The following TOP3A variants were observed in gnomAD, a reference collection of about 807,000 sequenced individuals.
The protein encoded by TOP3A is DNA topoisomerase 3-alpha.
In TOP3A, 64 loss-of-function variants were observed where a neutral mutation model predicts 111.3. The ratio of observed to expected loss-of-function variants is 0.57; its 90% CI spans 0.47 to 0.71. The LOEUF (loss-of-function observed/expected upper bound fraction) is 0.71. Ranked by LOEUF, TOP3A falls within the 30% of genes least tolerant of loss-of-function variation. The pLI is 0.00. For missense variants in TOP3A, 1,104 were observed against 1,285.0 expected (o/e 0.86, Z 2.15); for synonymous variants, 484 against 485.1 (o/e 1.00, Z 0.03).
At chr17:18,304,896 A>G (rs1445448937) in intron 5 of TOP3A, among the ~76,000 whole-genome samples, 1 of 152,136 alleles carries the variant, frequency 6.6e-6, no homozygotes, top group East Asian at 1.9e-4. Flanking sequence ...CAGTCCCAGG[A>G]AACATGTCAG....
chr17:18,286,057 G>C (rs1980072929), intron 13 of TOP3A, among the ~76,000 whole-genome samples: 1 of 152,012 alleles, frequency 6.6e-6, no homozygotes, highest in African/African-American at 2.4e-5. Flanking sequence ...AAAATTAGCA[G>C]GGTGTGGCGG....
intron 9 of TOP3A, among the ~76,000 whole-genome samples, chr17:18,298,203 G>T (rs58215032): frequency 0.3 from 44,049 of 148,878 alleles, 6,605 homozygotes; most frequent in African/African-American, 0.33. Flanking sequence ...CCCCGTCTGA[G>T]AAGTGAGGAG....
At position 18,285,471 on chromosome 17, in the gene TOP3A, C is replaced by A. The variant is rs752652880; in HGVS notation, c.1647G>T (p.Met549Ile). Residue 549 changes from methionine (M) to isoleucine (I), a missense_variant, in exon 14 of 19, where the codon ATG (methionine) becomes ATT (isoleucine). Transcript: ENST00000321105. ...AEHIETIKAR[M>I]YVGLTPDKRF... ...GCTTGTCTGGGGTGAGGCCCACGTA[C>A]ATCCGGGCTTTGATGGTCTCGATGT... 7 of 1,614,016 alleles carry A rather than the reference C, an allele frequency of 4.3e-6. No homozygotes were observed. Among genetic ancestry groups the A allele is most frequent in the Non-Finnish European group, 5.9e-6 (7 of 1,180,036 alleles).
In TOP3A at chr17:18,302,707, C is replaced by G. The variant is rs144079378; in HGVS notation, c.516G>C (p.Gln172His). The change falls in exon 6 of 19, where the codon CAG (glutamine) becomes CAC (histidine). Residue 172 changes from glutamine to histidine, a missense_variant. By Grantham distance (24) the Gln-to-His change is conservative. Coordinates refer to ENST00000321105, the MANE Select transcript of TOP3A (RefSeq NM_004618.5). ...TCTCAGAGAATCGGGCTCGCAACAC[C>G]TGCAGATTGGGCTTTACTGCAGAAC... ...HVCKAVKPNL[Q>H]VLRARFSEIT... The G allele has an allele frequency of 1.7e-5, 27 of 1,613,854 alleles. No individual in the cohort carries two copies. Among genetic ancestry groups the G allele is most frequent in the Non-Finnish European group, 2.2e-5 (26 of 1,179,876 alleles).
intron 2 of TOP3A, 56 bp from the exon 3 acceptor site, chr17:18,308,480 C>A: frequency 2.4e-6 from 3 of 1,230,186 alleles, no homozygotes; most frequent in Non-Finnish European, 3.5e-6. Flanking sequence ...ATTATTCTGC[C>A]AAATCATTAA....
Position 18,308,947 on chromosome 17 carries a change from A to C in TOP3A, c.181-6T>G, listed in dbSNP as rs1165010417. 2 of 1,407,868 alleles carry C rather than the reference A, an allele frequency of 1.4e-6. No individual in the cohort carries two copies. The highest frequency in any genetic ancestry group is 1.3e-5 in the South Asian group (1 of 74,092). 87.2% of individuals were successfully genotyped at this position (1,407,868 alleles called of 1,614,324 possible). On this transcript the variant is annotated splice_region_variant and splice_polypyrimidine_tract_variant and intron_variant, in intron 1 of 18. Coordinates refer to ENST00000321105, the MANE Select transcript of TOP3A (RefSeq NM_004618.5). ...AATTTTGAAAGTCCTTCTCTCTATA[A>C]AACAAAAATAAGTAAAAAATATAAA...
chr17:18,312,786 G>A (rs62072537), intron 1 of TOP3A: 44,377 of 202,284 alleles, frequency 0.22, 5,125 homozygotes, highest in East Asian at 0.29. Context: ...AAAAGAGGAC[G>A]AGGCATCTGA....
Position 18,314,628 on chromosome 17 carries a change from C to G in TOP3A, c.151G>C (p.Asp51His), listed in dbSNP as rs973663247. ...CTCATGCGACCGTTTGACAGCAGGT[C>G]GGCGATCCCCTTGGCCGCGTCGTTT... ...EKNDAAKGIADLLSNGRMRRR... is the reference protein window; with the variant it reads ...EKNDAAKGIAHLLSNGRMRRR... The change falls in exon 1 of 19, where the codon GAC becomes CAC. Residue 51 changes from aspartate to histidine, a missense_variant. Asp to His is a moderately conservative substitution (Grantham distance 81). Transcript: ENST00000321105. The G allele has an allele frequency of 1.2e-6, 2 of 1,611,900 alleles. No homozygotes were observed. Among genetic ancestry groups the G allele is most frequent in the Non-Finnish European group, 1.7e-6 (2 of 1,178,932 alleles).
chr17:18,306,117 G>A (rs1005503430), intron 4 of TOP3A, among the ~76,000 whole-genome samples: 3 of 152,186 alleles, frequency 2.0e-5, no homozygotes, highest in South Asian at 2.1e-4. Flanking sequence ...CAAGAGAATC[G>A]CTTGAACCTG....
intron 1 of TOP3A, 125 bp from the exon 2 acceptor site, chr17:18,309,066 A>G (rs948572769): frequency 1.9e-6 from 1 of 513,930 alleles, no homozygotes; most frequent in African/African-American, 2.0e-5. Context: ...TATAACCAAC[A>G]TTGCTCCAAA....
At chr17:18,311,253 G>A (rs1467261082) in intron 1 of TOP3A, among the ~76,000 whole-genome samples, 1 of 151,416 alleles carries the variant, frequency 6.6e-6, no homozygotes, top group Non-Finnish European at 1.5e-5. Context: ...GCCCACCTCA[G>A]CCTCCCAGAG....
intron 1 of TOP3A, chr17:18,311,824 A>G (rs1342236104): frequency 6.6e-6 from 1 of 152,256 alleles, no homozygotes; most frequent in Non-Finnish European, 1.5e-5. Context: ...TCTCTGACCT[A>G]GTGTGGGGGA....
At chr17:18,299,515 G>A (rs373839781) in intron 9 of TOP3A, 44 bp downstream of exon 9, 10 of 1,573,600 alleles carry the variant, frequency 6.4e-6, no homozygotes, top group Admixed American at 3.3e-5. Flanking sequence ...CCTCAAAACA[G>A]TAAGTGTTCC....
chr17:18,291,169 GCAAA>G, intron 11 of TOP3A, 142 bp from the exon 12 acceptor site: 2 of 811,212 alleles, frequency 2.5e-6, no homozygotes, highest in Admixed American at 5.9e-5. Flanking sequence ...GGAGTGCCAG[GCAAA>G]CAAGTCCTGG....
intron 8 of TOP3A, 35 bp from the exon 9 acceptor site, chr17:18,299,668 T>G: frequency 6.3e-7 from 1 of 1,581,414 alleles, no homozygotes; most frequent in Admixed American, 1.7e-5. Context: ...CATGTTAACC[T>G]GTTAGTGCAT....
intron 17 of TOP3A, 117 bp downstream of exon 17, chr17:18,280,419 A>T: frequency 8.3e-7 from 1 of 1,199,912 alleles, no homozygotes; most frequent in Non-Finnish European, 1.2e-6. Context: ...GAACACAGCT[A>T]CGCCCCTGCA....
At chr17:18,296,768 G>A (rs1980833898) in intron 9 of TOP3A, among the ~76,000 whole-genome samples, 1 of 152,138 alleles carries the variant, frequency 6.6e-6, no homozygotes, top group African/African-American at 2.4e-5. Flanking sequence ...AATTCTAATA[G>A]TAATTCTATC....
intron 5 of TOP3A, 131 bp from the exon 6 acceptor site, chr17:18,302,854 C>G (rs902713109): frequency 1.9e-6 from 2 of 1,047,090 alleles, no homozygotes; most frequent in Non-Finnish European, 2.7e-6. Context: ...GACCAATTTA[C>G]CTATTAGGTT....
rs775940984 is a variant in TOP3A, at chr17:18,308,340, AT to A, written c.314+10del. ...TAATCTGAAAGTCCTTCCCTTGAGAATTGTACTGACCATTTTCGAAACTGCA... is the reference window on the plus strand; with the variant it reads ...TAATCTGAAAGTCCTTCCCTTGAGAATGTACTGACCATTTTCGAAACTGCA... On this transcript the variant is annotated intron_variant, in intron 3 of 18. Transcript: ENST00000321105. 1 of 1,572,476 alleles carries A rather than the reference AT, an allele frequency of 6.4e-7. No homozygotes were observed. The highest frequency in any genetic ancestry group is 8.7e-7 in the Non-Finnish European group (1 of 1,151,462).
Sources: gnomAD v4.1 joint callset for allele counts (sites outside exome capture counted in the v4.1 genomes callset) on GRCh38, gnomAD v4.1.1 for gene constraint, MANE v1.5 for transcripts, NCBI Gene and HGNC (gene_info 2026-07-23, HGNC 2026-07-21) for gene names.